Variants in UGT2A2 observed in about 807,000 individuals in gnomAD.
UGT2A2 encodes the protein UDP glucuronosyltransferase family 2 member A2.
UGT2A2 carries 60 observed loss-of-function variants against 50.7 expected under a neutral mutation model. The observed-to-expected ratio is 1.18, with a 90% CI of 0.96 to 1.47. The LOEUF is 1.47. UGT2A2 is among the 40% of genes most tolerant of loss of function. UGT2A2 has a pLI of 0.00. For synonymous variants in UGT2A2, 242 were observed against 214.6 expected, an observed-to-expected ratio of 1.13 and a Z score of -1.11; for missense variants, 762 against 634.0, an observed-to-expected ratio of 1.20 and a Z score of -2.17.
At chr4:69,617,138 A>C (rs1720451128) in intron 1 of UGT2A2, among the ~76,000 whole-genome samples, 1 of 151,980 alleles carries the variant, frequency 6.6e-6, no homozygotes, top group Non-Finnish European at 1.5e-5. Flanking sequence ...ATTCAACAAT[A>C]AACTATGTGT....
At chr4:69,635,498 T>C (rs2109962447) in intron 1 of UGT2A2, among the ~76,000 whole-genome samples, 1 of 152,252 alleles carries the variant, frequency 6.6e-6, no homozygotes, top group East Asian at 1.9e-4. Flanking sequence ...GAACTATCTA[T>C]TTGCTGTACA....
At chr4:69,621,187 A>G (rs1720734088) in intron 1 of UGT2A2, among the ~76,000 whole-genome samples, 1 of 152,082 alleles carries the variant, frequency 6.6e-6, no homozygotes, top group Non-Finnish European at 1.5e-5. Context: ...GCACAGCAAA[A>G]TAAACTATCA....
At chr4:69,592,232 A>G (rs948501176) in intron 5 of UGT2A2, among the ~76,000 whole-genome samples, 1 of 152,198 alleles carries the variant, frequency 6.6e-6, no homozygotes, top group African/African-American at 2.4e-5. Flanking sequence ...GGAAAAGTGA[A>G]TGAAATATTA....
At chr4:69,635,312 T>C (rs886755609) in intron 1 of UGT2A2, among the ~76,000 whole-genome samples, 14 of 152,158 alleles carry the variant, frequency 9.2e-5, no homozygotes, top group African/African-American at 3.4e-4. Context: ...CTTTCTGCTC[T>C]CCCGATCTAC....
At chr4:69,601,330 C>T (rs752010771) in intron 1 of UGT2A2, among the ~76,000 whole-genome samples, 49 of 152,142 alleles carry the variant, frequency 3.2e-4, no homozygotes, top group Non-Finnish European at 2.8e-4. Context: ...CCTGCACCTG[C>T]CCTGGTGGCT....
In UGT2A2 at chr4:69,603,231, A is replaced by G. The variant is rs540445023; in HGVS notation, c.743-3837T>C. Among the ~76,000 whole-genome samples the G allele has an allele frequency of 5.1e-5, 7 of 137,076 alleles. 1 individual carries two copies. The South Asian group carries it at 1.4e-3, about 28-fold the overall frequency. The allele number at this position is 137,076 out of a possible 152,430, so 89.9% of individuals were successfully genotyped here. The stretch of plus-strand genomic sequence containing the variant: ...ATCAAGGAACTCCAGATGAAGAGAT[A>G]CAAGAGGAAGGAATATTATTTTACC... On this transcript the variant is annotated intron_variant, in intron 1 of 5. Coordinates refer to ENST00000604629, the MANE Select transcript of UGT2A2 (RefSeq NM_001105677.2).
intron 1 of UGT2A2, among the ~76,000 whole-genome samples, chr4:69,600,805 C>A (rs528704369): frequency 3.9e-5 from 5 of 127,738 alleles, no homozygotes; most frequent in Non-Finnish European, 6.7e-5. Context: ...AGGTGCTATA[C>A]ACTTAAAAAA....
At chr4:69,595,538 A>C (rs1198362393) in intron 3 of UGT2A2, among the ~76,000 whole-genome samples, 2 of 152,200 alleles carry the variant, frequency 1.3e-5, no homozygotes, top group Non-Finnish European at 2.9e-5. Flanking sequence ...TACCAGTTTA[A>C]TCAATCACAA....
chr4:69,624,194 C>T (rs980451066), intron 1 of UGT2A2, among the ~76,000 whole-genome samples: 3 of 151,444 alleles, frequency 2.0e-5, no homozygotes, highest in Admixed American at 6.6e-5. Flanking sequence ...ATTATTATGT[C>T]TTCTTGATGA....
chr4:69,608,230 C>T (rs183624881), intron 1 of UGT2A2, among the ~76,000 whole-genome samples: 6 of 152,230 alleles, frequency 3.9e-5, no homozygotes, highest in Non-Finnish European at 7.4e-5. Context: ...CCATGGAATA[C>T]TATGCAGCCA....
chr4:69,607,953 C>A (rs1719760468), intron 1 of UGT2A2, among the ~76,000 whole-genome samples: 1 of 152,178 alleles, frequency 6.6e-6, no homozygotes. Context: ...GAAATAGGAA[C>A]ACTTTTACAC....
At position 69,596,370 on chromosome 4, in the gene UGT2A2, T is replaced by A; in HGVS notation, c.903A>T (p.Glu301Asp). 5 of 1,596,276 alleles carry A rather than the reference T, an allele frequency of 3.1e-6. No individual in the cohort carries two copies. Among genetic ancestry groups the A allele is most frequent in the Non-Finnish European group, 4.3e-6 (5 of 1,171,174 alleles). Reference protein sequence around the residue: ...PAKPLPKEMEEFIQSSGKNGV... With the variant: ...PAKPLPKEMEDFIQSSGKNGV... ...CATTTTTACCTGAGCTCTGGATAAA[T>A]TCTTCCATTTCCTGCATACATAATA... Residue 301 changes from glutamate to aspartate, a missense_variant, in exon 3 of 6, where the codon GAA (glutamate) becomes GAT (aspartate). Glu to Asp is a conservative substitution (Grantham distance 45, BLOSUM62 2). Transcript: ENST00000604629.
chr4:69,609,707 TATAC>T, intron 1 of UGT2A2, among the ~76,000 whole-genome samples: 1 of 152,070 alleles, frequency 6.6e-6, no homozygotes, highest in Non-Finnish European at 1.5e-5. Context: ...TACCTATACC[TATAC>T]TTATTGGGTG....
chr4:69,609,114 C>T (rs986671653), intron 1 of UGT2A2, among the ~76,000 whole-genome samples: 6 of 150,422 alleles, frequency 4.0e-5, no homozygotes, highest in Admixed American at 6.6e-5. Context: ...AAGATATCTG[C>T]AATATATAAA....
Position 69,602,894 on chromosome 4 carries a change from C to T in UGT2A2, c.743-3500G>A, listed in dbSNP as rs778979960. Among the ~76,000 whole-genome samples the T allele has an allele frequency of 2.4e-3, 317 of 134,010 alleles. 61 individuals are homozygous for T. The highest frequency in any genetic ancestry group is 3.9e-3 in the Admixed American group (53 of 13,530). The allele number at this position is 134,010 out of a possible 152,430, so 87.9% of individuals were successfully genotyped here. ...CAGTGTGGCCAAGATGGTGAAACCCCGTCTCTACTAAAAATACAAAAAAAT... is the reference window on the plus strand; with the variant it reads ...CAGTGTGGCCAAGATGGTGAAACCCTGTCTCTACTAAAAATACAAAAAAAT... On this transcript the variant is annotated intron_variant, in intron 1 of 5. Transcript: ENST00000604629.
intron 1 of UGT2A2, among the ~76,000 whole-genome samples, chr4:69,625,272 T>C (rs1360299217): frequency 1.3e-5 from 2 of 151,098 alleles, no homozygotes; most frequent in Non-Finnish European, 3.0e-5. Context: ...AGAGGCATTT[T>C]ATTTTTCTTT....
rs536247028 is a variant in UGT2A2, at chr4:69,602,999, G to A, written c.743-3605C>T. Among the ~76,000 whole-genome samples the A allele has an allele frequency of 8.9e-5, 12 of 135,058 alleles. 3 individuals carry two copies. The South Asian group carries it at 2.4e-3, about 27-fold the overall frequency. The allele number at this position is 135,058 out of a possible 152,430, so 88.6% of individuals were successfully genotyped here. ...AGAGAATTGCTTGAACCCGGGAGGA[G>A]GAGGTTGCAGTGAGCCAAGATCACG... On this transcript the variant is annotated intron_variant, in intron 1 of 5. Transcript: ENST00000604629.
chr4:69,616,487 C>T (rs1720392253), intron 1 of UGT2A2, among the ~76,000 whole-genome samples: 1 of 151,802 alleles, frequency 6.6e-6, no homozygotes, highest in Non-Finnish European at 1.5e-5. Flanking sequence ...GTCACATTTC[C>T]TGTAAATCGA....
At chr4:69,632,570 A>G (rs1721445210) in intron 1 of UGT2A2, among the ~76,000 whole-genome samples, 1 of 152,156 alleles carries the variant, frequency 6.6e-6, no homozygotes, top group African/African-American at 2.4e-5. Context: ...AAATATGGAA[A>G]TCATCCTTAG....
Sources: allele counts gnomAD v4.1 joint callset (sites outside exome capture counted in the v4.1 genomes callset), GRCh38; gene constraint gnomAD v4.1.1; transcripts MANE v1.5; gene names NCBI Gene and HGNC (gene_info 2026-07-23, HGNC 2026-07-21).